Variants in PRKX observed in about 807,000 individuals in gnomAD.
PRKX encodes the protein protein kinase cAMP-dependent X-linked catalytic subunit.
In PRKX, 12 loss-of-function variants were observed where a neutral mutation model predicts 22.0. The ratio of observed to expected loss-of-function variants is 0.54; its 90% CI spans 0.35 to 0.88. The LOEUF is 0.88. Ranked by LOEUF, PRKX falls within the 40% of genes least tolerant of loss-of-function variation. The pLI is 0.01. For missense variants in PRKX, 217 were observed against 308.0 expected (o/e 0.70, Z 2.21); for synonymous variants, 134 against 137.7 (o/e 0.97, Z 0.19).
intron 1 of PRKX, among the ~76,000 whole-genome samples, chrX:3,677,064 T>C (rs1182640141): frequency 9.0e-6 from 1 of 110,920 alleles, no homozygotes; most frequent in East Asian, 2.8e-4. Flanking sequence ...GAATCTACAA[T>C]AGTCAAACTC....
chrX:3,614,529 T>C (rs1347950587), intron 7 of PRKX, among the ~76,000 whole-genome samples: 1 of 111,398 alleles, frequency 9.0e-6, no homozygotes, highest in Non-Finnish European at 1.9e-5. Flanking sequence ...AGACGCAGAA[T>C]GAGAAACACA....
In PRKX at chrX:3,613,931, G is replaced by A. The variant is rs187333224; in HGVS notation, c.952-1606C>T. 3.3e-3 allele frequency among the ~76,000 whole-genome samples: 358 copies of A among 107,873 alleles called. 1 individual carries two copies. Among genetic ancestry groups the A allele is most frequent in the African/African-American group, 0.012 (348 of 29,673 alleles). 93.7% of individuals were successfully genotyped at this position (107,873 alleles called of 115,157 possible). On this transcript the variant is annotated intron_variant, in intron 7 of 8. Transcript: ENST00000262848. ...CCCAGAAACTCTGGTCTGAGCTGAG[G>A]ACTAGGAATAAGCATTTCTAAGCAT...
intron 1 of PRKX, among the ~76,000 whole-genome samples, chrX:3,699,576 A>T (rs1418463181): frequency 9.0e-6 from 1 of 110,563 alleles, no homozygotes; most frequent in Non-Finnish European, 1.9e-5. Flanking sequence ...ATGGTCTCAA[A>T]CTCCTGACCT....
intron 1 of PRKX, among the ~76,000 whole-genome samples, chrX:3,699,137 A>G (rs969024014): frequency 2.0e-4 from 21 of 106,308 alleles, no homozygotes; most frequent in Admixed American, 1.8e-3. Flanking sequence ...CCCAGGTTCA[A>G]GCAATTCTCC....
chrX:3,692,629 G>A (rs1464167676), intron 1 of PRKX, among the ~76,000 whole-genome samples: 7 of 106,868 alleles, frequency 6.6e-5, no homozygotes, highest in South Asian at 8.5e-4. Context: ...CCAGGTTCAC[G>A]CCATTCTCCT....
At chrX:3,622,221 T>C (rs1926571888) in intron 5 of PRKX, among the ~76,000 whole-genome samples, 2 of 110,693 alleles carry the variant, frequency 1.8e-5, no homozygotes, top group Non-Finnish European at 3.8e-5. Context: ...TAGTTGGAGA[T>C]GATGTTGAAG....
intron 1 of PRKX, among the ~76,000 whole-genome samples, chrX:3,692,000 T>C (rs1797656708): frequency 9.5e-6 from 1 of 105,530 alleles, no homozygotes; most frequent in African/African-American, 3.5e-5. Flanking sequence ...AGGTAACAGA[T>C]AGGATAGATA....
At chrX:3,667,891 T>C (rs1389697255) in intron 2 of PRKX, 1 of 110,556 alleles carries the variant, frequency 9.0e-6, no homozygotes, top group Non-Finnish European at 1.9e-5. Context: ...ACCCACCCCT[T>C]TCAGCCAATA....
intron 2 of PRKX, among the ~76,000 whole-genome samples, chrX:3,662,715 A>T (rs796363047): frequency 8.6e-5 from 9 of 104,858 alleles, no homozygotes; most frequent in Non-Finnish European, 1.2e-4. Context: ...AAAAAAAAAA[A>T]TTAAAAATTA....
chrX:3,674,860 C>T lies in PRKX; in HGVS notation c.167-94G>A, dbSNP rs1927918871. 5.9e-6 allele frequency: 6 copies of T among 1,022,237 alleles called. No individual in the cohort carries two copies. The South Asian group carries it at 6.0e-5, about 10-fold the overall frequency. The allele number at this position is 1,022,237 out of a possible 1,213,427, so 84.2% of individuals were successfully genotyped here. On this transcript the variant is annotated intron_variant, in intron 1 of 8. Transcript: ENST00000262848. ...CAATCAGCGGGGGGCTGCACCAGGACGGCAAACACAGACCCCAAGTGAAAC... is the reference window on the plus strand; with the variant it reads ...CAATCAGCGGGGGGCTGCACCAGGATGGCAAACACAGACCCCAAGTGAAAC...
chrX:3,661,029 A>G (rs1452698953), intron 2 of PRKX, among the ~76,000 whole-genome samples: 1 of 110,568 alleles, frequency 9.0e-6, no homozygotes, highest in Non-Finnish European at 1.9e-5. Flanking sequence ...GTGTCTCAGT[A>G]AAATCAACAT....
At chrX:3,672,051 A>C (rs141213076) in intron 2 of PRKX, among the ~76,000 whole-genome samples, 8,120 of 111,122 alleles carry the variant, frequency 0.073, 342 homozygotes, top group Non-Finnish European at 0.12. Context: ...AAACATTAGC[A>C]GGGTGTAGTG....
rs148463199 is a variant in PRKX at position 3,674,681 on chromosome X, G to T, written c.252C>A (p.Asp84Glu). 2 of 1,209,131 alleles carry T rather than the reference G, an allele frequency of 1.7e-6. No individual in the cohort carries two copies. Among genetic ancestry groups the T allele is most frequent in the East Asian group, 3.0e-5 (1 of 33,764 alleles). Residue 84 changes from aspartate to glutamate, a missense_variant, in exon 2 of 9, where the codon GAC (aspartate) becomes GAA (glutamate). Physicochemically the swap from Asp to Glu is conservative, Grantham distance 45. Transcript: ENST00000262848. ...FFALKVMSIP[D>E]VIRLKQEQHV... ...GTTGCTCCTGCTTTAGGCGGATGAC[G>T]TCGGGAATGCTCATCACCTTGAGGG... is the stretch of plus-strand genomic sequence containing the variant.
chrX:3,619,694 C>A (rs1203671292), intron 6 of PRKX, among the ~76,000 whole-genome samples: 3 of 111,583 alleles, frequency 2.7e-5, no homozygotes, highest in African/African-American at 9.8e-5. Flanking sequence ...GCCTGAGACA[C>A]CTTGATCTCA....
At chrX:3,648,068 A>T (rs112894304) in intron 3 of PRKX, among the ~76,000 whole-genome samples, 2,870 of 111,767 alleles carry the variant, frequency 0.026, 103 homozygotes, top group African/African-American at 0.089. Flanking sequence ...TTCCTTTTCA[A>T]GGCCAAATAA....
At chrX:3,644,400 CA>C (rs752467196) in intron 3 of PRKX, among the ~76,000 whole-genome samples, 53 of 37,088 alleles carry the variant, frequency 1.4e-3, no homozygotes, top group African/African-American at 3.5e-3. Flanking sequence ...GACACTGTCT[CA>C]AAAAAAAAAA....
chrX:3,665,081 A>G (rs1037487405), intron 2 of PRKX, among the ~76,000 whole-genome samples: 1 of 112,245 alleles, frequency 8.9e-6, no homozygotes, highest in African/African-American at 3.2e-5. Flanking sequence ...CCAAAACTGC[A>G]CGGGGCGCGC....
intron 4 of PRKX, among the ~76,000 whole-genome samples, chrX:3,634,547 T>A: frequency 9.0e-6 from 1 of 110,948 alleles, no homozygotes; most frequent in East Asian, 2.8e-4. Context: ...TAGTGATGAA[T>A]TTTCTCCTAT....
intron 4 of PRKX, among the ~76,000 whole-genome samples, chrX:3,638,807 G>C (rs1448534744): frequency 3.7e-5 from 4 of 108,884 alleles, no homozygotes; most frequent in African/African-American, 1.3e-4. Flanking sequence ...TTGATAGATG[G>C]ATAGGTAGGG....
Sources: gnomAD v4.1 joint callset for allele counts (sites outside exome capture counted in the v4.1 genomes callset) on GRCh38, gnomAD v4.1.1 for gene constraint, MANE v1.5 for transcripts, NCBI Gene and HGNC (gene_info 2026-07-23, HGNC 2026-07-21) for gene names.